TLCD4: variants seen among roughly 807,000 people sequenced by gnomAD.
The protein encoded by TLCD4 is TLC domain-containing protein 4.
A neutral mutation model predicts 24.2 loss-of-function variants in TLCD4; 7 were observed. That is an observed-to-expected ratio of 0.29 (90% confidence interval 0.16 to 0.54). The LOEUF (loss-of-function observed/expected upper bound fraction) is 0.54, where lower values mean the gene tolerates loss of function less well. Among genes scored for constraint, TLCD4 ranks in the 20% least tolerant of loss-of-function variants. The pLI is 0.95. For missense variants in TLCD4, 259 were observed against 313.9 expected, an observed-to-expected ratio of 0.82 and a Z score of 1.32; for synonymous variants, 103 against 106.4, an observed-to-expected ratio of 0.97 and a Z score of 0.20.
chr1:95,143,232 C>T (rs1348517107), intron 1 of TLCD4, among the ~76,000 whole-genome samples: 1 of 152,032 alleles, frequency 6.6e-6, no homozygotes, highest in Non-Finnish European at 1.5e-5. Flanking sequence ...TAAAGTTGGG[C>T]TTTTCTGTTT....
At chr1:95,105,893 T>TCAAAAGAAAAAAAA in the TLCD4 span, among the ~76,000 whole-genome samples, 1 of 102,864 alleles carries the variant, frequency 9.7e-6, no homozygotes, top group Non-Finnish European at 2.1e-5. Context: ...AGACTCCGTC[T>TCAAAAGAAAAAAAA]TAAAAAAAAA....
rs574083215 is a variant in TLCD4, at chr1:95,192,070, G to T, written c.*202G>T. 17 of 1,229,040 alleles carry T rather than the reference G, an allele frequency of 1.4e-5. No homozygotes were observed. The highest frequency in any genetic ancestry group is 8.5e-5 in the South Asian group (5 of 58,946). 76.1% of individuals were successfully genotyped at this position (1,229,040 alleles called of 1,614,324 possible). On this transcript the variant is annotated 3_prime_UTR_variant, in exon 7 of 7. Coordinates refer to ENST00000370203, the MANE Select transcript of TLCD4 (RefSeq NM_152487.3). ...CCAGCACTTTGGGAGGCCAAGGTGG[G>T]TCGATCACTGAGGTCAGGAGTTCGA...
intron 1 of TLCD4, among the ~76,000 whole-genome samples, chr1:95,124,127 T>C (rs1472515729): frequency 6.6e-6 from 1 of 152,198 alleles, no homozygotes; most frequent in Non-Finnish European, 1.5e-5. Flanking sequence ...TTATTTATAT[T>C]CCCCTTTGTT....
At chr1:95,118,890 G>A (rs1409093943) in intron 1 of TLCD4, among the ~76,000 whole-genome samples, 1 of 152,120 alleles carries the variant, frequency 6.6e-6, no homozygotes, top group Non-Finnish European at 1.5e-5. Flanking sequence ...TATTTGCCAC[G>A]CCCCTCCTGT....
chr1:95,181,748 C>T (rs567181229), intron 6 of TLCD4, among the ~76,000 whole-genome samples: 46 of 152,016 alleles, frequency 3.0e-4, no homozygotes, highest in African/African-American at 9.4e-4. Context: ...CTACTACTCC[C>T]TGAGTAGCTG....
chr1:95,176,442 C>T (rs982412185), intron 6 of TLCD4, among the ~76,000 whole-genome samples: 6 of 152,056 alleles, frequency 3.9e-5, no homozygotes, highest in Admixed American at 6.5e-5. Flanking sequence ...CCTCCCACCT[C>T]GGCCTCCCAA....
chr1:95,127,314 G>A (rs1203062787), intron 1 of TLCD4, among the ~76,000 whole-genome samples: 4 of 152,182 alleles, frequency 2.6e-5, no homozygotes, highest in African/African-American at 7.2e-5. Flanking sequence ...AAAGAAGGCA[G>A]CAGGCAAAGC....
chr1:95,185,320 AGAAGATGAGGACTCTC>A (rs1425084322), intron 6 of TLCD4, among the ~76,000 whole-genome samples: 2 of 152,210 alleles, frequency 1.3e-5, no homozygotes, highest in African/African-American at 4.8e-5. Context: ...AATAAATCCT[AGAAGATGAGGACTCTC>A]CTCTGAGTTG....
Position 95,122,983 on chromosome 1 carries a change from T to TA in TLCD4, c.-12+5366_-12+5367insA, listed in dbSNP as rs201569541. On this transcript the variant is annotated intron_variant, in intron 1 of 6. Coordinates refer to ENST00000370203, the MANE Select transcript of TLCD4 (RefSeq NM_152487.3). Reference sequence around the variant, plus strand: ...CTTTATGGACATGATTTTTTTTTTTTTAAAAAGAGAAATAGGGTCTCACTG... The same window carrying TA: ...CTTTATGGACATGATTTTTTTTTTTTATAAAAAGAGAAATAGGGTCTCACTG... Among the ~76,000 whole-genome samples the TA allele has an allele frequency of 6.4e-3, 969 of 151,766 alleles. 3 individuals are homozygous for TA. The highest frequency in any genetic ancestry group is 0.024 in the East Asian group (125 of 5,184).
At chr1:95,175,125 C>T (rs997954400) in intron 6 of TLCD4, among the ~76,000 whole-genome samples, 3 of 152,184 alleles carry the variant, frequency 2.0e-5, no homozygotes, top group Non-Finnish European at 4.4e-5. Flanking sequence ...AGTATATTCA[C>T]ATTATTGTGC....
chr1:95,162,569 G>A (rs937271149), intron 5 of TLCD4, among the ~76,000 whole-genome samples: 21 of 152,096 alleles, frequency 1.4e-4, no homozygotes, highest in African/African-American at 4.1e-4. Flanking sequence ...TATTTTGCCC[G>A]CTAATCAGTA....
At chr1:95,142,286 A>G (rs1677220190) in intron 1 of TLCD4, among the ~76,000 whole-genome samples, 1 of 115,416 alleles carries the variant, frequency 8.7e-6, no homozygotes. Context: ...CTCTTTTATA[A>G]AAATCTTTTT....
chr1:95,110,638 C>T, the TLCD4 span, among the ~76,000 whole-genome samples: 28 of 151,974 alleles, frequency 1.8e-4, no homozygotes, highest in Admixed American at 1.4e-3. Flanking sequence ...CCTGTAATCC[C>T]AGCACTTTGG....
the TLCD4 span, among the ~76,000 whole-genome samples, chr1:95,104,382 G>A: frequency 6.6e-6 from 1 of 151,988 alleles, no homozygotes; most frequent in East Asian, 1.9e-4. Context: ...TGCGTTTAAC[G>A]GGCCAGGCAC....
chr1:95,113,094 G>A (rs1003254521), upstream of TLCD4, among the ~76,000 whole-genome samples: 1 of 150,454 alleles, frequency 6.6e-6, no homozygotes, highest in African/African-American at 2.5e-5. Context: ...CCAGGCTGGA[G>A]TGCAGTGGCG....
the TLCD4 span, among the ~76,000 whole-genome samples, chr1:95,104,663 C>CAAAAAAAAAAAAAACAAAAAAAA: frequency 2.5e-5 from 1 of 40,620 alleles, no homozygotes; most frequent in African/African-American, 7.4e-5. Context: ...GACTCCGTCT[C>CAAAAAAAAAAAAAACAAAAAAAA]AAAAAAAAAA....
At chr1:95,129,451 A>G (rs1676829323) in intron 1 of TLCD4, among the ~76,000 whole-genome samples, 1 of 152,142 alleles carries the variant, frequency 6.6e-6, no homozygotes, top group Non-Finnish European at 1.5e-5. Flanking sequence ...TTTGAAAGGG[A>G]GTGTAACAGG....
At chr1:95,109,005 A>G in the TLCD4 span, among the ~76,000 whole-genome samples, 12 of 152,110 alleles carry the variant, frequency 7.9e-5, no homozygotes, top group African/African-American at 2.7e-4. Context: ...AAAATTGCCA[A>G]TTAGTGTTTT....
At chr1:95,180,355 C>A (rs1678590587) in intron 6 of TLCD4, among the ~76,000 whole-genome samples, 1 of 152,142 alleles carries the variant, frequency 6.6e-6, no homozygotes. Flanking sequence ...AGCTTTGAAT[C>A]CTTCCTGTTA....
Sources: gnomAD v4.1 joint callset for allele counts (sites outside exome capture counted in the v4.1 genomes callset) on GRCh38, gnomAD v4.1.1 for gene constraint, MANE v1.5 for transcripts, NCBI Gene and HGNC (gene_info 2026-07-23, HGNC 2026-07-21) for gene names.